The following WDPCP variants were observed in gnomAD, a reference collection of about 807,000 sequenced individuals.
The protein encoded by WDPCP is WD repeat-containing and planar cell polarity effector protein fritz homolog.
In WDPCP, 71 loss-of-function variants were observed where a neutral mutation model predicts 93.1. The observed-to-expected ratio is 0.76, with a 90% CI of 0.63 to 0.93. The LOEUF is 0.93. Among genes scored for constraint, WDPCP ranks in the 40% least tolerant of loss-of-function variants. WDPCP has a pLI of 0.00. For missense variants in WDPCP, 844 were observed against 887.4 expected, an observed-to-expected ratio of 0.95 and a Z score of 0.62; for synonymous variants, 315 against 315.0, an observed-to-expected ratio of 1.00 and a Z score of 0.00.
At chr2:63,400,607 C>A (rs1008382726) in intron 10 of WDPCP, among the ~76,000 whole-genome samples, 2 of 152,142 alleles carry the variant, frequency 1.3e-5, no homozygotes, top group African/African-American at 4.8e-5. Flanking sequence ...CATAAAACTA[C>A]CATTGACATT....
At chr2:63,428,274 C>A (rs1010876431) in intron 9 of WDPCP, among the ~76,000 whole-genome samples, 5 of 151,742 alleles carry the variant, frequency 3.3e-5, no homozygotes, top group Admixed American at 2.6e-4. Context: ...CTGGCAGAGA[C>A]ACAACAAAAA....
intron 14 of WDPCP, among the ~76,000 whole-genome samples, chr2:63,196,096 T>C (rs1314112570): frequency 2.6e-5 from 4 of 152,254 alleles, no homozygotes; most frequent in African/African-American, 7.2e-5. Flanking sequence ...CTTTTGTGAT[T>C]CTTGTGTATT....
chr2:63,687,452 C>T (rs1385890395), intron 2 of WDPCP, among the ~76,000 whole-genome samples: 5 of 152,060 alleles, frequency 3.3e-5, no homozygotes, highest in Non-Finnish European at 2.9e-5. Context: ...GATTAATAAC[C>T]AGAATATGTA....
At chr2:63,613,637 C>G (rs1675405004) in intron 3 of WDPCP, among the ~76,000 whole-genome samples, 1 of 152,232 alleles carries the variant, frequency 6.6e-6, no homozygotes, top group African/African-American at 2.4e-5. Flanking sequence ...TAAAAGGAAT[C>G]TGGGCAGAAA....
intron 2 of WDPCP, among the ~76,000 whole-genome samples, chr2:63,782,957 G>T (rs1179175614): frequency 6.6e-6 from 1 of 152,052 alleles, no homozygotes; most frequent in Non-Finnish European, 1.5e-5. Flanking sequence ...TTAAAAGAAG[G>T]AGCAAAGGAA....
chr2:63,576,212 C>T (rs1295641905), intron 1 of WDPCP, among the ~76,000 whole-genome samples: 1 of 152,122 alleles, frequency 6.6e-6, no homozygotes, highest in Non-Finnish European at 1.5e-5. Context: ...CCACAGGTAA[C>T]GACTCAGTCC....
At position 63,264,204 on chromosome 2, in the gene WDPCP, C is replaced by T. The variant is rs1037063936; in HGVS notation, c.1813-4795G>A. 5.3e-5 allele frequency among the ~76,000 whole-genome samples: 8 copies of T among 152,156 alleles called. No individual in the cohort carries two copies. The South Asian group carries it at 8.3e-4, about 16-fold the overall frequency. On this transcript the variant is annotated intron_variant, in intron 13 of 17. Coordinates refer to ENST00000272321, the MANE Select transcript of WDPCP (RefSeq NM_015910.7). Reference sequence around the variant, plus strand: ...TGTTTAGAATCACTTGTCTGGAAGACGCAACTACATGCTGTGTACAAGAGG... The same window carrying T: ...TGTTTAGAATCACTTGTCTGGAAGATGCAACTACATGCTGTGTACAAGAGG...
At chr2:63,444,883 C>G (rs757269275) in intron 6 of WDPCP, among the ~76,000 whole-genome samples, 8 of 152,152 alleles carry the variant, frequency 5.3e-5, no homozygotes, top group Non-Finnish European at 1.0e-4. Flanking sequence ...CTTTATGTTG[C>G]CTTTCTCATT....
chr2:63,407,168 T>G (rs1694655661), intron 9 of WDPCP, among the ~76,000 whole-genome samples: 1 of 151,864 alleles, frequency 6.6e-6, no homozygotes, highest in Non-Finnish European at 1.5e-5. Context: ...GAGACAGACC[T>G]CTCTCATAAA....
intron 1 of WDPCP, among the ~76,000 whole-genome samples, chr2:63,563,582 T>C (rs761230635): frequency 2.0e-5 from 3 of 152,042 alleles, no homozygotes; most frequent in African/African-American, 7.2e-5. Context: ...CTAATGCATA[T>C]AGGCCTGCTT....
chr2:63,545,774 A>C (rs1341656164), intron 1 of WDPCP, among the ~76,000 whole-genome samples: 1 of 150,588 alleles, frequency 6.6e-6, no homozygotes, highest in Non-Finnish European at 1.5e-5. Context: ...AATATGACAC[A>C]CCTCCTTGGC....
chr2:63,615,166 A>T (rs372722309), intron 3 of WDPCP, among the ~76,000 whole-genome samples: 1 of 152,222 alleles, frequency 6.6e-6, no homozygotes, highest in African/African-American at 2.4e-5. Context: ...ATCAGGCTGC[A>T]AACACAGATA....
intron 6 of WDPCP, among the ~76,000 whole-genome samples, chr2:63,479,343 G>A (rs1359869820): frequency 2.0e-5 from 3 of 151,986 alleles, no homozygotes; most frequent in Non-Finnish European, 1.5e-5. Context: ...TATGAAGCCA[G>A]TATCACCCTA....
In WDPCP at chr2:63,226,785, T is replaced by C. The variant is rs921255504; in HGVS notation, c.1915+32522A>G. 3.3e-5 allele frequency among the ~76,000 whole-genome samples: 5 copies of C among 151,940 alleles called. No homozygotes were observed. The East Asian group carries it at 9.6e-4, about 29-fold the overall frequency. On this transcript the variant is annotated intron_variant, in intron 14 of 17. Transcript: ENST00000272321. ...TTCACATTTTGTCTTTTCATATGAATGTACATGTACAAACTTGTTTTACTT... is the reference window on the plus strand; with the variant it reads ...TTCACATTTTGTCTTTTCATATGAACGTACATGTACAAACTTGTTTTACTT...
intron 2 of WDPCP, among the ~76,000 whole-genome samples, chr2:63,734,913 A>ACAGG (rs1234939248): frequency 6.6e-6 from 1 of 152,118 alleles, no homozygotes; most frequent in Non-Finnish European, 1.5e-5. Flanking sequence ...AGACAGATAG[A>ACAGG]TAGATGATAG....
At chr2:63,464,776 G>C (rs1423590057) in intron 6 of WDPCP, among the ~76,000 whole-genome samples, 1 of 152,030 alleles carries the variant, frequency 6.6e-6, no homozygotes, top group Non-Finnish European at 1.5e-5. Flanking sequence ...AGTGAAACCA[G>C]TCAGTAACAA....
At chr2:63,384,589 C>T (rs1014439916) in intron 10 of WDPCP, among the ~76,000 whole-genome samples, 13 of 151,834 alleles carry the variant, frequency 8.6e-5, no homozygotes, top group East Asian at 3.9e-4. Flanking sequence ...CAAACATTAA[C>T]GGAAGAAATA....
At chr2:63,681,924 AC>A (rs1305351974) in intron 2 of WDPCP, among the ~76,000 whole-genome samples, 1 of 152,212 alleles carries the variant, frequency 6.6e-6, no homozygotes, top group Non-Finnish European at 1.5e-5. Flanking sequence ...TCCAGATCTT[AC>A]CCAAGACCAC....
chr2:63,589,110 C>A, upstream of WDPCP: 1 of 1,614,138 alleles, frequency 6.2e-7, no homozygotes, highest in Non-Finnish European at 8.5e-7. Flanking sequence ...GGGTTTCTTG[C>A]ACTTTAGGGA....
Sources: gnomAD v4.1 joint callset for allele counts (sites outside exome capture counted in the v4.1 genomes callset) on GRCh38, gnomAD v4.1.1 for gene constraint, MANE v1.5 for transcripts, NCBI Gene and HGNC (gene_info 2026-07-23, HGNC 2026-07-21) for gene names.